Variants in SAMMSON observed in about 807,000 individuals in gnomAD.
SAMMSON encodes the protein long intergenic non-protein coding RNA 1212.
intron 4 of SAMMSON, among the ~76,000 whole-genome samples, chr3:70,190,175 A>G (rs924646641): frequency 3.9e-5 from 6 of 152,168 alleles, no homozygotes; most frequent in Admixed American, 3.3e-4. Context: ...TTTGAGTTTT[A>G]AAATAAGAAG....
intron 7 of SAMMSON, among the ~76,000 whole-genome samples, chr3:70,341,901 G>A (rs1702714023): frequency 6.6e-6 from 1 of 152,108 alleles, no homozygotes; most frequent in Non-Finnish European, 1.5e-5. Flanking sequence ...ATTTACAATA[G>A]ATCAGTAATA....
At chr3:70,361,035 T>C (rs368450299) in intron 9 of SAMMSON, among the ~76,000 whole-genome samples, 2 of 152,174 alleles carry the variant, frequency 1.3e-5, no homozygotes, top group African/African-American at 4.8e-5. Context: ...TAACCATCCC[T>C]GTATTACAGA....
At chr3:70,143,414 C>T (rs749726632) in intron 4 of SAMMSON, among the ~76,000 whole-genome samples, 1 of 151,604 alleles carries the variant, frequency 6.6e-6, no homozygotes, top group African/African-American at 2.4e-5. Context: ...GGAATTATTT[C>T]AATTATGAAA....
chr3:70,341,075 G>T (rs1033494081), intron 7 of SAMMSON, among the ~76,000 whole-genome samples: 2 of 152,082 alleles, frequency 1.3e-5, no homozygotes, highest in Non-Finnish European at 2.9e-5. Flanking sequence ...ACATATGTGA[G>T]TCATTGTCAT....
At position 70,330,630 on chromosome 3, in the gene SAMMSON, T is replaced by C. The variant is rs184233806; in HGVS notation, n.740-23545T>C. ...TTATATACCCTGCTTGATAATTATG[T>C]CCTATAATATTATGCTATTTGAGTC... is the stretch of plus-strand genomic sequence containing the variant. On this transcript the variant is annotated intron_variant and non_coding_transcript_variant, in intron 7 of 9. Coordinates refer to ENST00000642114, the Ensembl canonical transcript of SAMMSON. Among the ~76,000 whole-genome samples, 437 of 152,210 alleles carry C rather than the reference T, an allele frequency of 2.9e-3. 3 individuals are homozygous for C. Among genetic ancestry groups the C allele is most frequent in the African/African-American group, 0.01 (417 of 41,580 alleles).
chr3:70,034,403 G>A (rs1208397596), intron 3 of SAMMSON, among the ~76,000 whole-genome samples: 1 of 152,058 alleles, frequency 6.6e-6, no homozygotes. Context: ...TGTGATTTTT[G>A]AACTTGTATG....
At chr3:70,113,910 A>G (rs1293798225) in intron 4 of SAMMSON, among the ~76,000 whole-genome samples, 1 of 152,184 alleles carries the variant, frequency 6.6e-6, no homozygotes, top group Non-Finnish European at 1.5e-5. Context: ...GTCTGCAAGC[A>G]GGAAGAGGGC....
chr3:70,061,443 A>G (rs918303319), intron 3 of SAMMSON, among the ~76,000 whole-genome samples: 6 of 152,178 alleles, frequency 3.9e-5, no homozygotes, highest in African/African-American at 1.2e-4. Flanking sequence ...CAACATACAC[A>G]TCGAGAGACT....
intron 7 of SAMMSON, among the ~76,000 whole-genome samples, chr3:70,352,641 T>C (rs1382197095): frequency 6.6e-6 from 1 of 152,102 alleles, no homozygotes; most frequent in Non-Finnish European, 1.5e-5. Flanking sequence ...GTTTTAAAAA[T>C]TATCCTTGAG....
chr3:70,029,801 A>G (rs763915771), intron 3 of SAMMSON, among the ~76,000 whole-genome samples: 4 of 151,066 alleles, frequency 2.6e-5, no homozygotes, highest in Non-Finnish European at 5.9e-5. Flanking sequence ...ATAGCTGCTT[A>G]TTGAATTAGG....
intron 3 of SAMMSON, among the ~76,000 whole-genome samples, chr3:70,055,332 G>A (rs926442720): frequency 6.6e-6 from 1 of 152,126 alleles, no homozygotes; most frequent in African/African-American, 2.4e-5. Flanking sequence ...AGCTACTAGA[G>A]TTGTCTCTGA....
intron 4 of SAMMSON, among the ~76,000 whole-genome samples, chr3:70,087,601 GT>G (rs565947161): frequency 3.1e-4 from 47 of 152,300 alleles, no homozygotes; most frequent in Admixed American, 1.8e-3. Context: ...TGACACTGGA[GT>G]TATTTTCTGA....
intron 3 of SAMMSON, among the ~76,000 whole-genome samples, chr3:70,027,425 G>A (rs532838621): frequency 3.3e-4 from 50 of 152,310 alleles, no homozygotes; most frequent in Admixed American, 1.8e-3. Flanking sequence ...CTAAATTAGA[G>A]TTTTCTTGAA....
At chr3:70,057,703 G>A (rs1340337388) in intron 3 of SAMMSON, among the ~76,000 whole-genome samples, 1 of 151,646 alleles carries the variant, frequency 6.6e-6, no homozygotes, top group Non-Finnish European at 1.5e-5. Context: ...CTACAATCAT[G>A]CTATAAATTG....
At chr3:70,371,664 GA>G (rs1488722385) in intron 9 of SAMMSON, among the ~76,000 whole-genome samples, 1 of 151,742 alleles carries the variant, frequency 6.6e-6, no homozygotes, top group Non-Finnish European at 1.5e-5. Context: ...AAATGCTATT[GA>G]TTTTTTTCAT....
intron 2 of SAMMSON, among the ~76,000 whole-genome samples, chr3:70,413,480 A>G (rs1039470958): frequency 6.6e-6 from 1 of 152,170 alleles, no homozygotes; most frequent in African/African-American, 2.4e-5. Context: ...AGCCTGTCCT[A>G]CAGAAGCCAA....
At chr3:70,082,907 A>T (rs2067272007) in intron 4 of SAMMSON, among the ~76,000 whole-genome samples, 1 of 152,204 alleles carries the variant, frequency 6.6e-6, no homozygotes, top group Non-Finnish European at 1.5e-5. Flanking sequence ...CTAAGGCAAG[A>T]GGTTAAATAA....
intron 2 of SAMMSON, among the ~76,000 whole-genome samples, chr3:70,410,256 C>T (rs987792902): frequency 6.6e-6 from 1 of 152,162 alleles, no homozygotes; most frequent in African/African-American, 2.4e-5. Flanking sequence ...AGGCTACATG[C>T]CCTATTTTAG....
At chr3:70,193,524 G>C (rs1576149781) in intron 4 of SAMMSON, among the ~76,000 whole-genome samples, 1 of 152,048 alleles carries the variant, frequency 6.6e-6, no homozygotes, top group East Asian at 1.9e-4. Context: ...ACCAAGTCCA[G>C]CCCCTATGTT....
Sources: gnomAD v4.1 joint callset for allele counts (sites outside exome capture counted in the v4.1 genomes callset) on GRCh38, gnomAD v4.1.1 for gene constraint, MANE v1.5 for transcripts, NCBI Gene and HGNC (gene_info 2026-07-23, HGNC 2026-07-21) for gene names.